The following ZNF592 variants were observed in gnomAD, a reference collection of about 807,000 sequenced individuals.
ZNF592 encodes spinocerebellar ataxia, autosomal recessive 5.
ZNF592 carries 11 observed loss-of-function variants against 80.3 expected under a neutral mutation model. The observed-to-expected ratio is 0.14, with a 90% CI of 0.09 to 0.23. The LOEUF is 0.23. Among genes scored for constraint, ZNF592 ranks in the 10% least tolerant of loss-of-function variants. ZNF592 has a pLI of 1.00. For missense variants in ZNF592, 1,420 were observed against 1,633.9 expected (o/e 0.87, Z 2.26); for synonymous variants, 646 against 640.3 (o/e 1.01, Z -0.13).
intron 1 of ZNF592, among the ~76,000 whole-genome samples, chr15:84,749,760 G>A (rs1898958509): frequency 6.6e-6 from 1 of 152,164 alleles, no homozygotes; most frequent in Admixed American, 6.5e-5. Context: ...GTGGATGCTT[G>A]GTGGTATTTT....
At chr15:84,752,185 C>T (rs1254746265) in intron 1 of ZNF592, among the ~76,000 whole-genome samples, 1 of 151,970 alleles carries the variant, frequency 6.6e-6, no homozygotes, top group African/African-American at 2.4e-5. Flanking sequence ...TTTTTTTCCT[C>T]TCATCTTCTC....
At position 84,764,189 on chromosome 15, in the gene ZNF592, C is replaced by T. The variant is rs9989333; in HGVS notation, c.-258-518C>T. Among the ~76,000 whole-genome samples the T allele has an allele frequency of 5.0e-3, 754 of 152,262 alleles. 7 individuals are homozygous for T. The highest frequency in any genetic ancestry group is 0.013 in the African/African-American group (553 of 41,548). On this transcript the variant is annotated intron_variant, in intron 1 of 10. Coordinates refer to ENST00000560079, the MANE Select transcript of ZNF592 (RefSeq NM_014630.3). ...AGTTGTGTGGAGGGGTAAACTAAACCCGGCTTTACTTCCCTTGTCTTTCTG... is the reference window on the plus strand; with the variant it reads ...AGTTGTGTGGAGGGGTAAACTAAACTCGGCTTTACTTCCCTTGTCTTTCTG...
At chr15:84,758,165 G>A (rs1476979481) in intron 1 of ZNF592, among the ~76,000 whole-genome samples, 1 of 151,242 alleles carries the variant, frequency 6.6e-6, no homozygotes, top group East Asian at 1.9e-4. Flanking sequence ...AGTAGAGATG[G>A]GGTTTCACCA....
intron 2 of ZNF592, among the ~76,000 whole-genome samples, chr15:84,765,807 A>T (rs1424702876): frequency 6.6e-6 from 1 of 151,954 alleles, no homozygotes; most frequent in East Asian, 1.9e-4. Flanking sequence ...AAGTGTAGGG[A>T]TTACAGGCAT....
rs1304264719 is a variant in ZNF592 at position 84,783,807 on chromosome 15, A to C, written c.1132A>C (p.Lys378Gln). ...ACCAGCAATTCCCAAAGTGAGAATC[A>C]AAACCATTAAGACATCATCAGGGGA... ...SPPAIPKVRI[K>Q]TIKTSSGEIK... Residue 378 changes from lysine (K) to glutamine (Q), a missense_variant, in exon 4 of 11, where the codon AAA (lysine) becomes CAA (glutamine). Transcript: ENST00000560079. This position sits in a 1 kb window ranked among gnomAD's most constrained non-coding sequence, Gnocchi z 5.0. 6.2e-7 allele frequency: 1 copy of C among 1,614,244 alleles called. No individual in the cohort carries two copies. The highest frequency in any genetic ancestry group is 2.2e-5 in the East Asian group (1 of 44,888).
Position 84,805,904 on chromosome 15 carries a change from C to G in ZNF592, c.*3511C>G, listed in dbSNP as rs1963224768. The G allele has an allele frequency of 6.6e-6, 1 of 152,484 alleles. No individual in the cohort carries two copies. Among genetic ancestry groups the G allele is most frequent in the Admixed American group, 6.6e-5 (1 of 15,258 alleles). The allele number at this position is 152,484 out of a possible 1,614,324, so 9.4% of individuals were successfully genotyped here. A position where few individuals can be genotyped will look rare whatever the true frequency, so the allele number is the denominator to read the frequency against. Reference sequence around the variant, plus strand: ...TGTTGTGTATCCTTTCATAGCAATTCTATGCATTTACAAGTTTATAAATAT... The same window carrying G: ...TGTTGTGTATCCTTTCATAGCAATTGTATGCATTTACAAGTTTATAAATAT... On this transcript the variant is annotated 3_prime_UTR_variant, in exon 11 of 11. Transcript: ENST00000560079.
chr15:84,768,060 A>AT (rs1899581989), intron 2 of ZNF592, among the ~76,000 whole-genome samples: 1 of 99,588 alleles, frequency 1.0e-5, no homozygotes, highest in Admixed American at 9.7e-5. Context: ...TTTTAATTTT[A>AT]ATTTTTTTTT....
rs1963104052 is a variant in ZNF592, at chr15:84,801,859, T to C, written c.3274-4T>C. On this transcript the variant is annotated splice_region_variant and splice_polypyrimidine_tract_variant and intron_variant, in intron 10 of 10. Transcript: ENST00000560079. ...GACTTTGCTCATGCTGTCTCTCCTT[T>C]TAGGTGAACCATCTGAAAAGACCAG... 4.3e-6 allele frequency: 7 copies of C among 1,613,922 alleles called. No individual in the cohort carries two copies. The highest frequency in any genetic ancestry group is 5.9e-6 in the Non-Finnish European group (7 of 1,179,860).
Position 84,783,292 on chromosome 15 carries a change from A to G in ZNF592, c.617A>G (p.Lys206Arg), listed in dbSNP as rs1263143741. The G allele has an allele frequency of 1.9e-6, 3 of 1,614,256 alleles. No homozygotes were observed. The highest frequency in any genetic ancestry group is 1.6e-4 in the Middle Eastern group (1 of 6,062). The change falls in exon 4 of 11, where the codon AAG (lysine) becomes AGG (arginine). Residue 206 changes from lysine to arginine, a missense_variant. Lys to Arg is a conservative substitution (Grantham distance 26, BLOSUM62 2). Around this residue, in one of 7 missense-constraint regions of ZNF592, gnomAD observed 373 missense variants for 355.5 expected, o/e 1.05. Coordinates refer to ENST00000560079, the MANE Select transcript of ZNF592 (RefSeq NM_014630.3). The surrounding 1 kb of genome is among the most constrained non-coding windows in gnomAD (Gnocchi z 5.0). ...GATCATTTTTGTAAGAAAGAACCCA[A>G]GCCAGAACCCCTGCCCTTGGGGAGC... ...MFDHFCKKEP[K>R]PEPLPLGSQQ...
At chr15:84,764,501 T>C (rs953924896) in intron 1 of ZNF592, among the ~76,000 whole-genome samples, 1 of 152,140 alleles carries the variant, frequency 6.6e-6, no homozygotes, top group Admixed American at 6.6e-5. Flanking sequence ...CAGCCTGTAA[T>C]AGAGGGAGGG....
At chr15:84,758,605 G>T (rs8024090) in intron 1 of ZNF592, among the ~76,000 whole-genome samples, 127,874 of 152,084 alleles carry the variant, frequency 0.84, 54,221 homozygotes, top group African/African-American at 0.96. Context: ...ATTAGCATGT[G>T]TACTTGTATT....
Position 84,798,186 on chromosome 15 carries a change from C to A in ZNF592, c.2577-129C>A. On this transcript the variant is annotated intron_variant, in intron 6 of 10. Coordinates refer to ENST00000560079, the MANE Select transcript of ZNF592 (RefSeq NM_014630.3). This position sits in a 1 kb window ranked among gnomAD's most constrained non-coding sequence, Gnocchi z 4.5. Reference sequence around the variant, plus strand: ...GGGTCGTACTAAGGATGTCCTGAGGCAGGGGAGCATCCACATTGGCTCAGG... The same window carrying A: ...GGGTCGTACTAAGGATGTCCTGAGGAAGGGGAGCATCCACATTGGCTCAGG... 1.3e-6 allele frequency: 2 copies of A among 1,563,726 alleles called. No homozygotes were observed. The highest frequency in any genetic ancestry group is 1.7e-6 in the Non-Finnish European group (2 of 1,144,756).
chr15:84,760,174 G>T (rs923063825), intron 1 of ZNF592, among the ~76,000 whole-genome samples: 1 of 151,900 alleles, frequency 6.6e-6, no homozygotes, highest in East Asian at 1.9e-4. Context: ...ATTGGTCTGA[G>T]CACATCATTC....
In ZNF592 at chr15:84,798,808, A is replaced by G; in HGVS notation, c.2957A>G (p.Gln986Arg). Residue 986 changes from glutamine to arginine, a missense_variant, in exon 8 of 11, where the codon CAG becomes CGG. This residue lies in a region of ZNF592 where 331 missense variants were observed against 347.0 expected (regional missense o/e 0.95). Transcript: ENST00000560079. The surrounding 1 kb of genome is among the most constrained non-coding windows in gnomAD (Gnocchi z 4.5). Reference sequence around the variant, plus strand: ...CTGAGGAACACTGGCTGGACCTGCCAGGAGTGCCAGGAGTGGGTTCCAGAT... The same window carrying G: ...CTGAGGAACACTGGCTGGACCTGCCGGGAGTGCCAGGAGTGGGTTCCAGAT... Reference protein sequence around the residue: ...PRLRNTGWTCQECQEWVPDRE... With the variant: ...PRLRNTGWTCRECQEWVPDRE... The G allele has an allele frequency of 5.6e-6, 9 of 1,600,944 alleles. No individual in the cohort carries two copies. The highest frequency in any genetic ancestry group is 7.6e-6 in the Non-Finnish European group (9 of 1,179,692).
At chr15:84,750,471 A>G (rs759452226) in intron 1 of ZNF592, among the ~76,000 whole-genome samples, 1 of 152,156 alleles carries the variant, frequency 6.6e-6, no homozygotes, top group Non-Finnish European at 1.5e-5. Flanking sequence ...TAACAAAAAT[A>G]TAGTCTGTTA....
Position 84,798,778 on chromosome 15 carries a change from C to A in ZNF592, c.2927C>A (p.Pro976Gln). 6.2e-7 allele frequency: 1 copy of A among 1,604,304 alleles called. No individual in the cohort carries two copies. Reference sequence around the variant, plus strand: ...GCCCACCGCAGGGTGGAAGCCAGGCCGCGGCTGAGGAACACTGGCTGGACC... The same window carrying A: ...GCCCACCGCAGGGTGGAAGCCAGGCAGCGGCTGAGGAACACTGGCTGGACC... ...PEAHRRVEAR[P>Q]RLRNTGWTCQ... The change falls in exon 8 of 11, where the codon CCG becomes CAG. Residue 976 changes from proline (P) to glutamine (Q), a missense_variant. This residue lies in a region of ZNF592 where 331 missense variants were observed against 347.0 expected (regional missense o/e 0.95). Coordinates refer to ENST00000560079, the MANE Select transcript of ZNF592 (RefSeq NM_014630.3). This position sits in a 1 kb window ranked among gnomAD's most constrained non-coding sequence, Gnocchi z 4.5.
chr15:84,767,178 G>T (rs1311774407), intron 2 of ZNF592, among the ~76,000 whole-genome samples: 2 of 152,000 alleles, frequency 1.3e-5, no homozygotes, highest in African/African-American at 4.8e-5. Flanking sequence ...TGTATTTTTA[G>T]TAATTTTTTT....
intron 4 of ZNF592, 140 bp downstream of exon 4, chr15:84,785,035 T>G (rs1411347430): frequency 7.5e-6 from 8 of 1,070,156 alleles, no homozygotes; most frequent in Non-Finnish European, 1.1e-5. Context: ...TGCCTGAATA[T>G]TTAGTGTTTG....
chr15:84,786,624 T>C (rs1962592125), intron 4 of ZNF592, among the ~76,000 whole-genome samples: 1 of 152,140 alleles, frequency 6.6e-6, no homozygotes, highest in Non-Finnish European at 1.5e-5. Context: ...TCTCATCTCC[T>C]CCTGCTCTGT....
Sources: allele counts gnomAD v4.1 joint callset (sites outside exome capture counted in the v4.1 genomes callset), GRCh38; gene constraint gnomAD v4.1.1; regional missense constraint gnomAD v4.1.1; non-coding constraint Gnocchi (gnomAD v3.1); transcripts MANE v1.5; gene names NCBI Gene and HGNC (gene_info 2026-07-23, HGNC 2026-07-21).